MYO15A: variants seen among roughly 807,000 people sequenced by gnomAD.
The protein encoded by MYO15A is myosin XVA.
In MYO15A, 308 loss-of-function variants were observed where a neutral mutation model predicts 394.6. The ratio of observed to expected loss-of-function variants is 0.78; its 90% CI spans 0.71 to 0.86. The LOEUF is 0.86. Among genes scored for constraint, MYO15A ranks in the 40% least tolerant of loss-of-function variants. The probability of loss-of-function intolerance (pLI) is 0.00; values close to 1 mark genes in which losing one functional copy is unlikely to be tolerated. For missense variants in MYO15A, 4,606 were observed against 4,799.1 expected, an observed-to-expected ratio of 0.96 and a Z score of 1.19; for synonymous variants, 1,957 against 2,003.8, an observed-to-expected ratio of 0.98 and a Z score of 0.62.
At chr17:18,126,971 G>A (rs1235864308) in intron 6 of MYO15A, 104 bp from the exon 7 acceptor site, 14 of 1,593,876 alleles carry the variant, frequency 8.8e-6, no homozygotes, top group African/African-American at 5.4e-5. Context: ...TGGTACCTCT[G>A]GGTTGGCCCA....
chr17:18,140,539 G>A lies in MYO15A; in HGVS notation c.5234G>A (p.Ser1745Asn), dbSNP rs1567643279. The change falls in exon 20 of 66, where the codon AGC (serine) becomes AAC (asparagine). Residue 1745 changes from serine to asparagine, a missense_variant. Transcript: ENST00000647165. ...CAGGTGGTGGCACACCTCTTCTCCA[G>A]CCATGCCCCACAGGCTGCCCCTCAG... Reference protein sequence around the residue: ...RTRVVAHLFSSHAPQAAPQRL... With the variant: ...RTRVVAHLFSNHAPQAAPQRL... 1.2e-6 allele frequency: 2 copies of A among 1,613,646 alleles called. No individual in the cohort carries two copies. The highest frequency in any genetic ancestry group is 1.7e-6 in the Non-Finnish European group (2 of 1,180,032).
rs1213499711 is a variant in MYO15A, at chr17:18,151,530, C to G, written c.7787+3C>G. 1.2e-6 allele frequency: 2 copies of G among 1,614,032 alleles called. No individual in the cohort carries two copies. Among genetic ancestry groups the G allele is most frequent in the East Asian group, 2.2e-5 (1 of 44,872 alleles). On this transcript the variant is annotated splice_donor_region_variant and intron_variant, in intron 40 of 65. Transcript: ENST00000647165. ...GGAGGCCGGCCTGAGGCCCTCAGGT[C>G]AGCACTGCCCCTGCCCCCAGCCCGC... is the stretch of plus-strand genomic sequence containing the variant.
At chr17:18,160,466 A>G (rs951406333) in intron 56 of MYO15A, among the ~76,000 whole-genome samples, 1 of 152,210 alleles carries the variant, frequency 6.6e-6, no homozygotes, top group African/African-American at 2.4e-5. Flanking sequence ...GCAAGGTGGC[A>G]GGTCTGGGGC....
At position 18,148,516 on chromosome 17, in the gene MYO15A, G is replaced by A; in HGVS notation, c.6712G>A (p.Val2238Met). The A allele has an allele frequency of 6.4e-7, 1 of 1,552,712 alleles. No individual in the cohort carries two copies. Among genetic ancestry groups the A allele is most frequent in the Non-Finnish European group, 8.7e-7 (1 of 1,147,482 alleles). Reference sequence around the variant, plus strand: ...CCCAGGTGACCAGTTCTCCTGCCCGGTGCACTCCTGGAGTACGGGGGAAGA... The same window carrying A: ...CCCAGGTGACCAGTTCTCCTGCCCGATGCACTCCTGGAGTACGGGGGAAGA... The part of the protein sequence containing the change: ...CFNGDQFSCP[V>M]HSWSTGEEVA... Residue 2238 changes from valine to methionine, a missense_variant, in exon 32 of 66, where the codon GTG becomes ATG. Val to Met is a conservative substitution (Grantham distance 21). This residue lies in a region of MYO15A where 2,776 missense variants were observed against 3,109.3 expected (regional missense o/e 0.89). Coordinates refer to ENST00000647165, the MANE Select transcript of MYO15A (RefSeq NM_016239.4). The surrounding 1 kb of genome is among the most constrained non-coding windows in gnomAD (Gnocchi z 4.8).
At position 18,120,675 on chromosome 17, in the gene MYO15A, C is replaced by T. The variant is rs1416041831; in HGVS notation, c.1875C>T (p.Pro625=). 1.9e-6 allele frequency: 3 copies of T among 1,581,372 alleles called. No homozygotes were observed. Among genetic ancestry groups the T allele is most frequent in the African/African-American group, 1.3e-5 (1 of 74,212 alleles). ...AGMDPEKPGT[P]IVLRRAQPRA... is the part of the protein sequence containing the mutation. ...TGGACCCCGAGAAGCCCGGCACGCC[C>T]ATCGTGCTGAGGAGGGCCCAGCCAC... The change falls in exon 2 of 66, where the codon CCC becomes CCT. Residue 625 remains proline, a synonymous_variant. Transcript: ENST00000647165.
chr17:18,115,278 C>T (rs11654240), intron 1 of MYO15A, among the ~76,000 whole-genome samples: 3,967 of 152,254 alleles, frequency 0.026, 74 homozygotes, highest in Middle Eastern at 0.034. Context: ...TGCCTTCACC[C>T]TCACTCCTGC....
rs59214589 is a variant in MYO15A, at chr17:18,130,817, A to AGTGTGT, written c.4038+56_4038+61dup. On this transcript the variant is annotated splice_region_variant and intron_variant, in intron 8 of 65. Coordinates refer to ENST00000647165, the MANE Select transcript of MYO15A (RefSeq NM_016239.4). Reference sequence around the variant, plus strand: ...GACGCTCTTGAAGATAAAGGTACTCAGTGTGTGTGTGTGTGTGTGTGTGTG... The same window carrying AGTGTGT: ...GACGCTCTTGAAGATAAAGGTACTCAGTGTGTGTGTGTGTGTGTGTGTGTGTGTGTG... The AGTGTGT allele has an allele frequency of 0.038, 45,253 of 1,182,836 alleles. 1,256 individuals are homozygous for AGTGTGT. The highest frequency in any genetic ancestry group is 0.067 in the African/African-American group (3,194 of 47,448). The allele number at this position is 1,182,836 out of a possible 1,614,324, so 73.3% of individuals were successfully genotyped here. A position where few individuals can be genotyped will look rare whatever the true frequency, so the allele number is the denominator to read the frequency against.
In MYO15A at chr17:18,117,392, C is replaced by G. The variant is rs555797626; in HGVS notation, c.-219-1190C>G. Among the ~76,000 whole-genome samples the G allele has an allele frequency of 6.7e-4, 102 of 152,376 alleles. 1 individual carries two copies. Among genetic ancestry groups the G allele is most frequent in the South Asian group, 2.3e-3 (11 of 4,830 alleles). On this transcript the variant is annotated intron_variant, in intron 1 of 65. Transcript: ENST00000647165. This position sits in a 1 kb window ranked among gnomAD's most constrained non-coding sequence, Gnocchi z 4.1. ...TTTCACAGCTGAGCACGTTGAGGCT[C>G]TGAAGCCACTGATCTGAGGGCGTGG...
At chr17:18,142,938 G>T in intron 25 of MYO15A, 98 bp downstream of exon 25, 2 of 1,159,182 alleles carry the variant, frequency 1.7e-6, no homozygotes, top group Middle Eastern at 1.9e-4. Context: ...GCAGTCTTGG[G>T]TTCAAATTCT....
chr17:18,160,046 C>T (rs749832889), intron 56 of MYO15A, 29 bp downstream of exon 56: 1 of 1,598,166 alleles, frequency 6.3e-7, no homozygotes, highest in East Asian at 2.2e-5. Flanking sequence ...ACCCCACCAT[C>T]CCCTCACTGT....
At position 18,140,524 on chromosome 17, in the gene MYO15A, C is replaced by T. The variant is rs957055517; in HGVS notation, c.5219C>T (p.Ala1740Val). 3.1e-6 allele frequency: 5 copies of T among 1,613,446 alleles called. No individual in the cohort carries two copies. The African/African-American group carries it at 4.0e-5, about 13-fold the overall frequency. The stretch of plus-strand genomic sequence containing the variant: ...GCCCCGACCCCTGCCCAGGTGGTGG[C>T]ACACCTCTTCTCCAGCCATGCCCCA... ...LFVRSRTRVV[A>V]HLFSSHAPQA... Residue 1740 changes from alanine to valine, a missense_variant, in exon 20 of 66, where the codon GCA (alanine) becomes GTA (valine). By Grantham distance (64) the Ala-to-Val change is moderately conservative (BLOSUM62 0). Around this residue, in one of 2 missense-constraint regions of MYO15A, gnomAD observed 2,776 missense variants for 3,109.3 expected, o/e 0.89. Transcript: ENST00000647165.
chr17:18,146,033 G>C lies in MYO15A; in HGVS notation c.6435G>C (p.Glu2145Asp), dbSNP rs1452158216. ...VWHNHNAHNA[E>D]RGWLLLAACL... ...ACAATCACAATGCCCACAATGCTGA[G>C]CGGGGCTGGCTGCTGCTGGCCGCCT... Residue 2145 changes from glutamate (E) to aspartate (D), a missense_variant, in exon 30 of 66, where the codon GAG (glutamate) becomes GAC (aspartate). Around this residue, in one of 2 missense-constraint regions of MYO15A, gnomAD observed 2,776 missense variants for 3,109.3 expected, o/e 0.89. Coordinates refer to ENST00000647165, the MANE Select transcript of MYO15A (RefSeq NM_016239.4). The C allele has an allele frequency of 6.2e-7, 1 of 1,613,846 alleles. No homozygotes were observed. Among genetic ancestry groups the C allele is most frequent in the Non-Finnish European group, 8.5e-7 (1 of 1,180,048 alleles).
At chr17:18,157,524 T>A (rs931698715) in intron 50 of MYO15A, 198 bp from the exon 51 acceptor site, 1 of 1,184,816 alleles carries the variant, frequency 8.4e-7, no homozygotes, top group Admixed American at 2.6e-5. Flanking sequence ...TCACTTCCCC[T>A]TTATGGTCCT....
rs1437336161 is a variant in MYO15A, at chr17:18,117,929, C to G, written c.-219-653C>G. Among the ~76,000 whole-genome samples, 3 of 152,138 alleles carry G rather than the reference C, an allele frequency of 2.0e-5. No homozygotes were observed. Among genetic ancestry groups the G allele is most frequent in the African/African-American group, 4.8e-5 (2 of 41,408 alleles). ...GAGATGGGGCATAGCTTATCACTCC[C>G]ATTCTTCAGAGGAAACTGAGGCCCA... On this transcript the variant is annotated intron_variant, in intron 1 of 65. Coordinates refer to ENST00000647165, the MANE Select transcript of MYO15A (RefSeq NM_016239.4). The surrounding 1 kb of genome is among the most constrained non-coding windows in gnomAD (Gnocchi z 4.1).
intron 57 of MYO15A, 138 bp from the exon 58 acceptor site, chr17:18,162,447 A>C: frequency 1.3e-6 from 1 of 761,546 alleles, no homozygotes; most frequent in Non-Finnish European, 2.2e-6. Context: ...TGTTTCCTCA[A>C]CTGTCAAATG....
In MYO15A at chr17:18,120,459, G is replaced by T; in HGVS notation, c.1659G>T (p.Arg553=). Reference sequence around the variant, plus strand: ...CGCTGTCGGCCTTCGGCGCCCACCGGGGCCTGGGCTTCGGCCCTGAGTTTG... The same window carrying T: ...CGCTGTCGGCCTTCGGCGCCCACCGTGGCCTGGGCTTCGGCCCTGAGTTTG... ...QRALSAFGAH[R]GLGFGPEFGR... Residue 553 remains arginine (R), a synonymous_variant, in exon 2 of 66, where the codon CGG becomes CGT. Coordinates refer to ENST00000647165, the MANE Select transcript of MYO15A (RefSeq NM_016239.4). 6.3e-7 allele frequency: 1 copy of T among 1,576,888 alleles called. No individual in the cohort carries two copies.
rs1298128184 is a variant in MYO15A, at chr17:18,158,968, A to G, written c.9127A>G (p.Thr3043Ala). The G allele has an allele frequency of 6.2e-7, 1 of 1,613,974 alleles. No homozygotes were observed. Among genetic ancestry groups the G allele is most frequent in the Admixed American group, 1.7e-5 (1 of 60,014 alleles). The change falls in exon 53 of 66, where the codon ACC (threonine) becomes GCC (alanine). Residue 3043 changes from threonine to alanine, a missense_variant. Thr to Ala is a moderately conservative substitution (Grantham distance 58). Around this residue, in one of 2 missense-constraint regions of MYO15A, gnomAD observed 2,776 missense variants for 3,109.3 expected, o/e 0.89. Coordinates refer to ENST00000647165, the MANE Select transcript of MYO15A (RefSeq NM_016239.4). ...ATCCAAGGAGCCTCGGGAGTCCAGAACCTTGGAGGACATGCTTTGCTTCAC... is the reference window on the plus strand; with the variant it reads ...ATCCAAGGAGCCTCGGGAGTCCAGAGCCTTGGAGGACATGCTTTGCTTCAC... The part of the protein sequence containing the change: ...LKSKEPRESR[T>A]LEDMLCFTKT...
intron 15 of MYO15A, 93 bp from the exon 16 acceptor site, chr17:18,137,491 T>C: frequency 9.3e-7 from 1 of 1,079,744 alleles, no homozygotes. Flanking sequence ...GTGGCTGAGC[T>C]CCAGCTTTTT....
intron 51 of MYO15A, 31 bp downstream of exon 51, chr17:18,157,931 G>GGGGGCC (rs2142389380): frequency 7.3e-6 from 3 of 412,720 alleles, no homozygotes; most frequent in Non-Finnish European, 1.3e-5. Flanking sequence ...GTGGGGCGGG[G>GGGGGCC]TAGACCAGGG....
Sources: gnomAD v4.1 joint callset for allele counts (sites outside exome capture counted in the v4.1 genomes callset) on GRCh38, gnomAD v4.1.1 for gene constraint, gnomAD v4.1.1 regional missense constraint, Gnocchi (gnomAD v3.1) non-coding constraint, MANE v1.5 for transcripts, NCBI Gene and HGNC (gene_info 2026-07-23, HGNC 2026-07-21) for gene names.